NRG3: variants seen among roughly 807,000 people sequenced by gnomAD.
NRG3 encodes the protein neuregulin 3.
A neutral mutation model predicts 66.9 loss-of-function variants in NRG3; 31 were observed. That is an observed-to-expected ratio of 0.46 (90% confidence interval 0.35 to 0.63). The LOEUF (loss-of-function observed/expected upper bound fraction) is 0.63. Ranked by LOEUF, NRG3 falls within the 20% of genes least tolerant of loss-of-function variation. The probability of loss-of-function intolerance (pLI) is 0.00; values close to 1 mark genes in which losing one functional copy is unlikely to be tolerated. For missense variants in NRG3, 910 were observed against 878.9 expected (o/e 1.04, Z -0.45); for synonymous variants, 393 against 359.4 (o/e 1.09, Z -1.06).
At chr10:82,365,435 A>G (rs950266924) in intron 2 of NRG3, among the ~76,000 whole-genome samples, 5 of 152,176 alleles carry the variant, frequency 3.3e-5, no homozygotes, top group African/African-American at 1.2e-4. Flanking sequence ...AATTTAAGTA[A>G]TTTGCAATAG....
At chr10:81,893,074 A>G (rs1480178796) in intron 1 of NRG3, among the ~76,000 whole-genome samples, 1 of 152,222 alleles carries the variant, frequency 6.6e-6, no homozygotes, top group Non-Finnish European at 1.5e-5. Context: ...TTATTATTAA[A>G]CAGAGGATTT....
At chr10:82,138,491 GGATATTATACATAT>G (rs1410903378) in intron 1 of NRG3, among the ~76,000 whole-genome samples, 3 of 152,022 alleles carry the variant, frequency 2.0e-5, no homozygotes, top group African/African-American at 7.2e-5. Context: ...ACTGACAGTG[GGATATTATACATAT>G]GAAGTGTATT....
At chr10:82,514,962 TCCTAAGGTAATG>T (rs1369156788) in intron 2 of NRG3, among the ~76,000 whole-genome samples, 1 of 152,124 alleles carries the variant, frequency 6.6e-6, no homozygotes, top group Admixed American at 6.6e-5. Context: ...ATCTATGTCT[TCCTAAGGTAATG>T]CCAAGTTGTT....
intron 2 of NRG3, among the ~76,000 whole-genome samples, chr10:82,652,813 C>T (rs604482): frequency 2.6e-5 from 4 of 152,064 alleles, no homozygotes; most frequent in Admixed American, 1.3e-4. Context: ...TGAGCCACAG[C>T]CACTCAGTTC....
intron 2 of NRG3, among the ~76,000 whole-genome samples, chr10:82,538,362 A>G (rs2043302450): frequency 6.6e-6 from 1 of 152,212 alleles, no homozygotes; most frequent in Non-Finnish European, 1.5e-5. Flanking sequence ...TTCTGATTGT[A>G]TTATATCTTG....
intron 2 of NRG3, among the ~76,000 whole-genome samples, chr10:82,634,488 T>C (rs1206171295): frequency 6.6e-6 from 1 of 152,176 alleles, no homozygotes; most frequent in African/African-American, 2.4e-5. Flanking sequence ...TTCACAATAA[T>C]TTGGGAGATG....
intron 2 of NRG3, among the ~76,000 whole-genome samples, chr10:82,671,913 T>A (rs1462061131): frequency 6.6e-6 from 1 of 152,064 alleles, no homozygotes; most frequent in Non-Finnish European, 1.5e-5. Flanking sequence ...GTGAGAACTT[T>A]GTTCTTTGGC....
At chr10:82,939,272 T>C (rs1188205592) in intron 4 of NRG3, among the ~76,000 whole-genome samples, 1 of 152,112 alleles carries the variant, frequency 6.6e-6, no homozygotes. Context: ...GAAAGGAAAA[T>C]GACAGGCTGA....
Position 82,349,549 on chromosome 10 carries a change from C to A in NRG3, c.824-9190C>A, listed in dbSNP as rs1032567028. ...CTGTGCCCTGCCCTCAGAGGTGGAG[C>A]CTACAGAGGCAGGCAGGCCTCCTTG... On this transcript the variant is annotated intron_variant, in intron 1 of 8. Coordinates refer to ENST00000372141, the MANE Select transcript of NRG3 (RefSeq NM_001010848.4). Among the ~76,000 whole-genome samples, 11 of 152,068 alleles carry A rather than the reference C, an allele frequency of 7.2e-5. No individual in the cohort carries two copies. In the East Asian group the frequency reaches 1.7e-3, roughly 24 times the overall value.
chr10:82,467,944 T>C (rs750605805), intron 2 of NRG3, among the ~76,000 whole-genome samples: 1 of 152,146 alleles, frequency 6.6e-6, no homozygotes, highest in Non-Finnish European at 1.5e-5. Context: ...TTGAAGGTCA[T>C]ATATTTTGCA....
rs1017539127 is a variant in NRG3, at chr10:82,537,739, A to G, written c.953+178871A>G. Among the ~76,000 whole-genome samples, 8 of 152,212 alleles carry G rather than the reference A, an allele frequency of 5.3e-5. No individual in the cohort carries two copies. In the South Asian group the frequency reaches 1.7e-3, roughly 32 times the overall value. Reference sequence around the variant, plus strand: ...CTTTATACCTTCAATTTTTGTTTTTAAAATAATGGTATTAATATATCCTAT... The same window carrying G: ...CTTTATACCTTCAATTTTTGTTTTTGAAATAATGGTATTAATATATCCTAT... On this transcript the variant is annotated intron_variant, in intron 2 of 8. Transcript: ENST00000372141.
chr10:82,342,621 A>C (rs1273911408), intron 1 of NRG3, among the ~76,000 whole-genome samples: 1 of 151,240 alleles, frequency 6.6e-6, no homozygotes, highest in African/African-American at 2.4e-5. Flanking sequence ...AGAGTTATTT[A>C]TTTTTCTTGT....
At chr10:82,825,537 G>T (rs1367717740) in intron 3 of NRG3, among the ~76,000 whole-genome samples, 1 of 152,106 alleles carries the variant, frequency 6.6e-6, no homozygotes, top group Non-Finnish European at 1.5e-5. Flanking sequence ...GTCCAGGCAG[G>T]GTTCTGACGG....
chr10:82,598,646 G>GA (rs2047428426), intron 2 of NRG3, among the ~76,000 whole-genome samples: 1 of 152,158 alleles, frequency 6.6e-6, no homozygotes, highest in Non-Finnish European at 1.5e-5. Context: ...ATTATGCTTA[G>GA]AAAAAAGATA....
chr10:82,787,359 AGTGATCCACTTTAAAAAACTCTAG>A (rs747386416), intron 3 of NRG3, among the ~76,000 whole-genome samples: 6 of 152,200 alleles, frequency 3.9e-5, no homozygotes, highest in Non-Finnish European at 8.8e-5. Context: ...GAGCCTCTTG[AGTGATCCACTTTAAAAAACTCTAG>A]GCGATCATAT....
intron 1 of NRG3, among the ~76,000 whole-genome samples, chr10:81,897,934 G>A (rs1339371276): frequency 2.6e-5 from 4 of 152,132 alleles, no homozygotes; most frequent in Admixed American, 6.5e-5. Flanking sequence ...TCACATGGGG[G>A]AGATACAAAA....
intron 1 of NRG3, among the ~76,000 whole-genome samples, chr10:82,028,424 A>G (rs2132848271): frequency 6.6e-6 from 1 of 152,198 alleles, no homozygotes; most frequent in African/African-American, 2.4e-5. Context: ...GGGAAGAAAA[A>G]TATATAAACT....
At chr10:82,584,100 T>C (rs1304878881) in intron 2 of NRG3, among the ~76,000 whole-genome samples, 2 of 152,100 alleles carry the variant, frequency 1.3e-5, no homozygotes, top group Non-Finnish European at 2.9e-5. Context: ...ATTTATTTAT[T>C]TTTTGAGATG....
intron 2 of NRG3, among the ~76,000 whole-genome samples, chr10:82,380,920 C>T (rs1226877035): frequency 1.3e-5 from 2 of 152,002 alleles, no homozygotes; most frequent in African/African-American, 2.4e-5. Context: ...AGAATGGCAG[C>T]GGATTACATT....
Sources: gnomAD v4.1 joint callset for allele counts (sites outside exome capture counted in the v4.1 genomes callset) on GRCh38, gnomAD v4.1.1 for gene constraint, MANE v1.5 for transcripts, NCBI Gene and HGNC (gene_info 2026-07-23, HGNC 2026-07-21) for gene names.